LAYN: variants seen among roughly 807,000 people sequenced by gnomAD.
LAYN encodes the protein layilin.
LAYN carries 38 observed loss-of-function variants against 43.6 expected under a neutral mutation model. That is an observed-to-expected ratio of 0.87 (90% confidence interval 0.67 to 1.14). The LOEUF (loss-of-function observed/expected upper bound fraction) is 1.14, where lower values mean the gene tolerates loss of function less well. Among genes scored for constraint, LAYN ranks in the 50% most tolerant of loss-of-function variants. The probability of loss-of-function intolerance (pLI) is 0.00; values close to 1 mark genes in which losing one functional copy is unlikely to be tolerated. For missense variants in LAYN, 479 were observed against 463.8 expected, an observed-to-expected ratio of 1.03 and a Z score of -0.30; for synonymous variants, 168 against 172.9, an observed-to-expected ratio of 0.97 and a Z score of 0.22.
chr11:111,549,493 C>T, intron 2 of LAYN, 125 bp from the exon 3 acceptor site: 1 of 736,442 alleles, frequency 1.4e-6, no homozygotes. Context: ...CTACCTCTCT[C>T]TGTATCATGT....
chr11:111,542,152 C>G (rs1251977589), intron 1 of LAYN, among the ~76,000 whole-genome samples: 1 of 152,224 alleles, frequency 6.6e-6, no homozygotes, highest in Non-Finnish European at 1.5e-5. Context: ...GCTCATTTGC[C>G]CCTCCTCTGC....
intron 1 of LAYN, among the ~76,000 whole-genome samples, chr11:111,542,996 T>A (rs1020750646): frequency 2.0e-5 from 3 of 152,184 alleles, no homozygotes; most frequent in Admixed American, 6.5e-5. Flanking sequence ...TAAAATCCCA[T>A]CTGTTTGTCT....
rs185772962 is a variant in LAYN, at chr11:111,560,611, C to A, written c.*153C>A. ...TGGTCCCCACGACCTCCTGTTGGAC[C>A]CCCACGTTTTGGCTGTATCCTTTAT... On this transcript the variant is annotated 3_prime_UTR_variant, in exon 7 of 7. Transcript: ENST00000375614. 1.1e-5 allele frequency: 9 copies of A among 844,948 alleles called. No individual in the cohort carries two copies. In the Admixed American group the frequency reaches 2.1e-4, roughly 19 times the overall value. The allele number at this position is 844,948 out of a possible 1,614,324, so 52.3% of individuals were successfully genotyped here. A position where few individuals can be genotyped will look rare whatever the true frequency, so the allele number is the denominator to read the frequency against.
upstream of LAYN, chr11:111,540,586 C>T (rs1464560508): frequency 1.2e-5 from 6 of 491,464 alleles, no homozygotes; most frequent in Middle Eastern, 5.2e-4. Context: ...CTCTGGCTGG[C>T]CGAGTGTCTG....
chr11:111,549,982 A>T (rs186700829), intron 3 of LAYN, among the ~76,000 whole-genome samples: 1 of 152,240 alleles, frequency 6.6e-6, no homozygotes, highest in Non-Finnish European at 1.5e-5. Flanking sequence ...AGGTTATCAG[A>T]TGTTAAGAGA....
In LAYN at chr11:111,540,928, G is replaced by A. The variant is rs915235730; in HGVS notation, c.85G>A (p.Gly29Arg). Residue 29 changes from glycine to arginine, a missense_variant and splice_region_variant, in exon 1 of 7, where the codon GGG becomes AGG. Transcript: ENST00000375614. The part of the protein sequence containing the change: ...LRAATGRLLS[G>R]QPVCRGGTQR... ...GGCCGCGACGGGTCGCCTGCTGAGT[G>A]GTGAGTGCGCGCGCTGGGGCGGGGG... 1 of 1,531,116 alleles carries A rather than the reference G, an allele frequency of 6.5e-7. No homozygotes were observed. The highest frequency in any genetic ancestry group is 1.4e-5 in the African/African-American group (1 of 72,812). The allele number at this position is 1,531,116 out of a possible 1,614,324, so 94.8% of individuals were successfully genotyped here.
chr11:111,541,006 G>T, intron 1 of LAYN, 78 bp downstream of exon 1: 1 of 1,382,410 alleles, frequency 7.2e-7, no homozygotes, highest in Non-Finnish European at 9.8e-7. Flanking sequence ...CCTCTTCTGG[G>T]TCGCCACGTA....
Position 111,556,264 on chromosome 11 carries a change from C to A in LAYN, c.658+974C>A, listed in dbSNP as rs1184165194. Among the ~76,000 whole-genome samples, 3 of 152,168 alleles carry A rather than the reference C, an allele frequency of 2.0e-5. No individual in the cohort carries two copies. The East Asian group carries it at 5.8e-4, about 29-fold the overall frequency. On this transcript the variant is annotated intron_variant, in intron 5 of 6. Transcript: ENST00000375614. The stretch of plus-strand genomic sequence containing the variant: ...GGAGGAGTTTCCTTGTCATCCCCCA[C>A]CCCATGGAATCAGGATGCATTAGCA...
chr11:111,559,783 T>G (rs902633390), intron 6 of LAYN, among the ~76,000 whole-genome samples: 4 of 151,386 alleles, frequency 2.6e-5, no homozygotes, highest in Non-Finnish European at 4.4e-5. Context: ...TTTTTTTGGG[T>G]TTTTTTTGTA....
intron 1 of LAYN, among the ~76,000 whole-genome samples, chr11:111,542,997 C>G (rs1867576439): frequency 6.6e-6 from 1 of 152,214 alleles, no homozygotes; most frequent in Non-Finnish European, 1.5e-5. Flanking sequence ...AAAATCCCAT[C>G]TGTTTGTCTG....
rs181627237 is a variant in LAYN, at chr11:111,553,240, C to T, written c.542-1321C>T. On this transcript the variant is annotated intron_variant, in intron 3 of 6. Transcript: ENST00000375614. ...CCTGGGCGACAGACTGAGACTCCAT[C>T]TCAAAAATAAATAAATAAATAAATA... is the stretch of plus-strand genomic sequence containing the variant. 2.4e-3 allele frequency among the ~76,000 whole-genome samples: 369 copies of T among 151,134 alleles called. 4 individuals carry two copies. The highest frequency in any genetic ancestry group is 8.8e-3 in the African/African-American group (356 of 40,614).
At chr11:111,559,998 C>A (rs1288595569) in intron 6 of LAYN, 97 bp from the exon 7 acceptor site, 2 of 1,415,556 alleles carry the variant, frequency 1.4e-6, no homozygotes, top group Non-Finnish European at 1.9e-6. Flanking sequence ...AGCTGGGTGA[C>A]TGCCCAGGGC....
chr11:111,542,576 C>A (rs1231471222), intron 1 of LAYN, among the ~76,000 whole-genome samples: 1 of 152,162 alleles, frequency 6.6e-6, no homozygotes, highest in Non-Finnish European at 1.5e-5. Context: ...TATCTGGCTC[C>A]CTGCGCAGCT....
At chr11:111,551,044 A>G (rs1198069850) in intron 3 of LAYN, among the ~76,000 whole-genome samples, 4 of 152,202 alleles carry the variant, frequency 2.6e-5, no homozygotes, top group Non-Finnish European at 5.9e-5. Flanking sequence ...TAAAAGGGAC[A>G]TTTGCTGAGG....
At chr11:111,540,448 G>A (rs1389058643), upstream of LAYN, 6 of 260,022 alleles carry the variant, frequency 2.3e-5, no homozygotes, top group African/African-American at 1.2e-4. Context: ...GGCACACTGT[G>A]CTCGTTATCA....
chr11:111,549,022 C>A (rs1255223699), intron 2 of LAYN, among the ~76,000 whole-genome samples: 1 of 152,216 alleles, frequency 6.6e-6, no homozygotes, highest in East Asian at 1.9e-4. Flanking sequence ...AGGGGCTCAT[C>A]AGCCTTATCA....
At chr11:111,545,949 A>G (rs1833839634) in intron 2 of LAYN, among the ~76,000 whole-genome samples, 1 of 152,190 alleles carries the variant, frequency 6.6e-6, no homozygotes, top group Admixed American at 6.5e-5. Flanking sequence ...AAGACTTAGC[A>G]TTGGTTTCTG....
chr11:111,550,235 G>A (rs1164363325), intron 3 of LAYN, among the ~76,000 whole-genome samples: 1 of 152,200 alleles, frequency 6.6e-6, no homozygotes, highest in African/African-American at 2.4e-5. Flanking sequence ...TACACCAACT[G>A]CACTTTCACT....
intron 6 of LAYN, among the ~76,000 whole-genome samples, 160 bp from the exon 7 acceptor site, chr11:111,559,935 G>A (rs1428397292): frequency 6.6e-6 from 1 of 152,112 alleles, no homozygotes; most frequent in Non-Finnish European, 1.5e-5. Flanking sequence ...CTCCCTGTTT[G>A]GTTCCCTCCC....
Sources: gnomAD v4.1 joint callset for allele counts (sites outside exome capture counted in the v4.1 genomes callset) on GRCh38, gnomAD v4.1.1 for gene constraint, MANE v1.5 for transcripts, NCBI Gene and HGNC (gene_info 2026-07-23, HGNC 2026-07-21) for gene names.